The following ZBTB20 variants were observed in gnomAD, a reference collection of about 807,000 sequenced individuals.
ZBTB20 encodes zinc finger and BTB domain containing 20.
A neutral mutation model predicts 56.9 loss-of-function variants in ZBTB20; 9 were observed. The observed-to-expected ratio is 0.16, with a 90% CI of 0.10 to 0.28. The LOEUF (loss-of-function observed/expected upper bound fraction) is 0.28, where lower values mean the gene tolerates loss of function less well. ZBTB20 is among the 10% of genes least tolerant of loss of function. The pLI, the probability that ZBTB20 is intolerant of heterozygous loss-of-function variation, is 1.00. For synonymous variants in ZBTB20, 417 were observed against 420.7 expected, an observed-to-expected ratio of 0.99 and a Z score of 0.11; for missense variants, 655 against 1,003.0, an observed-to-expected ratio of 0.65 and a Z score of 4.69.
chr3:114,860,278 G>T (rs1460251196), intron 4 of ZBTB20, among the ~76,000 whole-genome samples: 1 of 149,446 alleles, frequency 6.7e-6, no homozygotes, highest in Non-Finnish European at 1.5e-5. Flanking sequence ...CTGCACTCCA[G>T]CCTGACAACA....
chr3:115,078,613 G>GTGTGTGTGTGTGTGTGTATATATATA (rs769630983), intron 1 of ZBTB20, among the ~76,000 whole-genome samples: 7 of 137,828 alleles, frequency 5.1e-5, no homozygotes, highest in African/African-American at 2.0e-4. Context: ...GTGTGTGTGT[G>GTGTGTGTGTGTGTGTGTATATATATA]TATATATATA....
intron 2 of ZBTB20, among the ~76,000 whole-genome samples, chr3:115,011,575 G>A (rs1248237016): frequency 6.6e-6 from 1 of 151,840 alleles, no homozygotes; most frequent in African/African-American, 2.4e-5. Context: ...CTTCAAACAT[G>A]AAGGAGAAAT....
chr3:114,926,415 C>A (rs951281120), intron 3 of ZBTB20, among the ~76,000 whole-genome samples: 1 of 152,154 alleles, frequency 6.6e-6, no homozygotes, highest in Non-Finnish European at 1.5e-5. Flanking sequence ...CTACTATCTG[C>A]AGGCTGGTTG....
At chr3:114,995,229 A>C (rs1174181449) in intron 2 of ZBTB20, among the ~76,000 whole-genome samples, 2 of 151,922 alleles carry the variant, frequency 1.3e-5, no homozygotes, top group African/African-American at 2.4e-5. Flanking sequence ...ATTTCTGTAA[A>C]AACAAAATTC....
At chr3:114,377,060 G>C (rs1049583605) in intron 10 of ZBTB20, among the ~76,000 whole-genome samples, 11 of 152,184 alleles carry the variant, frequency 7.2e-5, no homozygotes, top group Non-Finnish European at 1.2e-4. Flanking sequence ...TACTGACTTG[G>C]TTTAGTCCTG....
At chr3:114,426,244 CAGG>C (rs1315648073) in intron 7 of ZBTB20, among the ~76,000 whole-genome samples, 1 of 149,760 alleles carries the variant, frequency 6.7e-6, no homozygotes, top group African/African-American at 2.5e-5. Context: ...GAGGCTGAGG[CAGG>C]AGAATGGCGT....
intron 6 of ZBTB20, among the ~76,000 whole-genome samples, chr3:114,584,809 C>T (rs559995913): frequency 3.3e-5 from 5 of 152,080 alleles, no homozygotes; most frequent in African/African-American, 4.8e-5. Flanking sequence ...AAAATAAGTA[C>T]GAGAATGCAA....
At chr3:114,881,341 G>A (rs1304803925) in intron 4 of ZBTB20, among the ~76,000 whole-genome samples, 2 of 151,886 alleles carry the variant, frequency 1.3e-5, no homozygotes, top group Non-Finnish European at 1.5e-5. Flanking sequence ...AACTTTTCAA[G>A]GTACAAATAA....
chr3:114,910,344 A>G (rs1025097956), intron 3 of ZBTB20, among the ~76,000 whole-genome samples: 1 of 151,522 alleles, frequency 6.6e-6, no homozygotes, highest in Non-Finnish European at 1.5e-5. Context: ...ACCAGGCCCA[A>G]ATATATTTAA....
At chr3:114,980,562 TTC>T (rs751635930) in intron 2 of ZBTB20, among the ~76,000 whole-genome samples, 11 of 151,992 alleles carry the variant, frequency 7.2e-5, no homozygotes, top group Non-Finnish European at 1.3e-4. Flanking sequence ...TTCCCTAGTC[TTC>T]TGTCAGATAT....
At chr3:114,852,605 T>C (rs967517558) in intron 4 of ZBTB20, among the ~76,000 whole-genome samples, 2 of 152,162 alleles carry the variant, frequency 1.3e-5, no homozygotes, top group African/African-American at 2.4e-5. Flanking sequence ...GTCTTCTATT[T>C]ATTTGCTAGT....
intron 4 of ZBTB20, among the ~76,000 whole-genome samples, chr3:114,815,176 T>G (rs907768306): frequency 2.0e-5 from 3 of 152,196 alleles, no homozygotes; most frequent in African/African-American, 4.8e-5. Context: ...TAAAATACTT[T>G]TCTTTTAAAT....
chr3:114,418,812 T>C (rs1452191568), intron 7 of ZBTB20, among the ~76,000 whole-genome samples: 2 of 152,102 alleles, frequency 1.3e-5, no homozygotes, highest in East Asian at 1.9e-4. Flanking sequence ...ACAGGAAAGC[T>C]ATGGCTACTA....
intron 6 of ZBTB20, chr3:114,599,285 C>T (rs2056580737): frequency 6.6e-6 from 1 of 152,074 alleles, no homozygotes; most frequent in African/African-American, 2.4e-5. Flanking sequence ...AAATGTTCTT[C>T]TCTTCTGAAT....
At chr3:114,628,082 A>G (rs1264585341) in intron 6 of ZBTB20, among the ~76,000 whole-genome samples, 2 of 152,230 alleles carry the variant, frequency 1.3e-5, no homozygotes, top group African/African-American at 2.4e-5. Flanking sequence ...GTCTCTGCCA[A>G]CACTAAGATT....
At chr3:114,616,675 T>G (rs2057968452) in intron 6 of ZBTB20, among the ~76,000 whole-genome samples, 1 of 152,230 alleles carries the variant, frequency 6.6e-6, no homozygotes, top group African/African-American at 2.4e-5. Flanking sequence ...TTACCATGAT[T>G]TGGATGATTC....
chr3:114,937,868 C>A (rs367900887), intron 3 of ZBTB20, among the ~76,000 whole-genome samples: 4 of 151,922 alleles, frequency 2.6e-5, no homozygotes, highest in Non-Finnish European at 4.4e-5. Context: ...GAGGCTGAGG[C>A]GGGTGGATCA....
chr3:114,922,571 TG>T (rs2076000098), intron 3 of ZBTB20, among the ~76,000 whole-genome samples: 1 of 152,222 alleles, frequency 6.6e-6, no homozygotes, highest in African/African-American at 2.4e-5. Context: ...TCTTAGTCTG[TG>T]GGCATTGCTT....
At chr3:114,653,137 G>A (rs530080488) in intron 6 of ZBTB20, among the ~76,000 whole-genome samples, 8 of 151,790 alleles carry the variant, frequency 5.3e-5, no homozygotes, top group Admixed American at 2.0e-4. Flanking sequence ...TATTTTACTC[G>A]TCTTATTGCT....
Sources: gnomAD v4.1 joint callset for allele counts (sites outside exome capture counted in the v4.1 genomes callset) on GRCh38, gnomAD v4.1.1 for gene constraint, MANE v1.5 for transcripts, NCBI Gene and HGNC (gene_info 2026-07-23, HGNC 2026-07-21) for gene names.